Variants in ASRGL1 observed in about 807,000 individuals in gnomAD.
ASRGL1 encodes isoaspartyl peptidase/L-asparaginase.
Under a neutral mutation model 22.4 loss-of-function variants are expected in ASRGL1, and 16 were observed. That is an observed-to-expected ratio of 0.71 (90% CI 0.48 to 1.08). ASRGL1 has a LOEUF of 1.08. Ranked by LOEUF, ASRGL1 falls within the 50% of genes least tolerant of loss-of-function variation. ASRGL1 has a pLI of 0.00. For synonymous variants in ASRGL1, 165 were observed against 159.3 expected (o/e 1.04, Z -0.27); for missense variants, 412 against 410.1 (o/e 1.00, Z -0.04).
At chr11:62,375,426 C>A in intron 4 of ASRGL1, among the ~76,000 whole-genome samples, 1 of 68,056 alleles carries the variant, frequency 1.5e-5, no homozygotes, top group African/African-American at 5.4e-5. Flanking sequence ...AATTGTCTTA[C>A]TTTATATATA....
chr11:62,340,065 C>G (rs1048394577), intron 2 of ASRGL1, among the ~76,000 whole-genome samples: 1 of 150,866 alleles, frequency 6.6e-6, no homozygotes, highest in Non-Finnish European at 1.5e-5. Context: ...AGTTCAATGC[C>G]AGGCTAGGCA....
downstream of ASRGL1, among the ~76,000 whole-genome samples, chr11:62,393,870 C>G (rs1947395443): frequency 6.6e-6 from 1 of 151,602 alleles, no homozygotes; most frequent in South Asian, 2.1e-4. Flanking sequence ...AGGCCTCTCT[C>G]CATGGCTTGT....
downstream of ASRGL1, among the ~76,000 whole-genome samples, chr11:62,394,236 TTATA>T (rs1947402815): frequency 7.1e-6 from 1 of 141,510 alleles, no homozygotes; most frequent in African/African-American, 2.6e-5. Context: ...ATTTTATGTA[TTATA>T]TATAATTTGT....
At chr11:62,363,095 G>A (rs1418845830) in intron 4 of ASRGL1, among the ~76,000 whole-genome samples, 5 of 149,608 alleles carry the variant, frequency 3.3e-5, no homozygotes, top group African/African-American at 4.9e-5. Flanking sequence ...CACCACGCCC[G>A]GCTAATTTTT....
chr11:62,362,809 G>GACAC (rs1257030349), intron 4 of ASRGL1, among the ~76,000 whole-genome samples: 10 of 6,972 alleles, frequency 1.4e-3, no homozygotes, highest in African/African-American at 3.2e-3. Flanking sequence ...TTGCTTATCT[G>GACAC]ACATACACAC....
In ASRGL1 at chr11:62,392,357, CA is replaced by C; in HGVS notation, c.*75del. 1 of 1,540,142 alleles carries C rather than the reference CA, an allele frequency of 6.5e-7. No homozygotes were observed. The highest frequency in any genetic ancestry group is 1.1e-5 in the South Asian group (1 of 88,366). ...GTCTCCTCATGAGACATAGCCTAATCAATTAGATCTAGAATTGGAAAAATTG... is the reference window on the plus strand; with the variant it reads ...GTCTCCTCATGAGACATAGCCTAATCATTAGATCTAGAATTGGAAAAATTG... On this transcript the variant is annotated 3_prime_UTR_variant, in exon 7 of 7. Coordinates refer to ENST00000415229, the MANE Select transcript of ASRGL1 (RefSeq NM_001083926.2).
chr11:62,389,281 C>T (rs1947284898), intron 5 of ASRGL1, 30 bp downstream of exon 5: 1 of 1,560,782 alleles, frequency 6.4e-7, no homozygotes, highest in East Asian at 2.2e-5. Flanking sequence ...CCTGCCCCTT[C>T]CCCTCTTCTC....
At position 62,371,221 on chromosome 11, in the gene ASRGL1, C is replaced by T. The variant is rs1228564875; in HGVS notation, c.491+14077C>T. The T allele has an allele frequency of 4.8e-6, 6 of 1,242,896 alleles. No homozygotes were observed. In the African/African-American group the frequency reaches 8.0e-5, roughly 17 times the overall value. The allele number at this position is 1,242,896 out of a possible 1,614,324, so 77.0% of individuals were successfully genotyped here. On this transcript the variant is annotated intron_variant, in intron 4 of 6. Transcript: ENST00000415229. The stretch of plus-strand genomic sequence containing the variant: ...CCACGCCAGGGCCCAGGAAACGTGG[C>T]GGCCCCGCAGCCGGAAGCGCGAGCC...
At chr11:62,344,433 T>A (rs543420008) in intron 2 of ASRGL1, among the ~76,000 whole-genome samples, 1 of 152,120 alleles carries the variant, frequency 6.6e-6, no homozygotes, top group Non-Finnish European at 1.5e-5. Context: ...GTTTATCAGT[T>A]TTTTTTTAAA....
intron 4 of ASRGL1, among the ~76,000 whole-genome samples, chr11:62,376,944 A>G (rs1369334717): frequency 6.6e-6 from 1 of 152,240 alleles, no homozygotes; most frequent in African/African-American, 2.4e-5. Context: ...TTACATGAAC[A>G]TATGATAATC....
chr11:62,366,565 G>A (rs1434900704), intron 4 of ASRGL1, among the ~76,000 whole-genome samples: 3 of 142,632 alleles, frequency 2.1e-5, no homozygotes, highest in African/African-American at 4.9e-5. Context: ...TTTTACATTT[G>A]TTTATGGGTT....
chr11:62,381,151 ACT>A (rs1491324958), intron 4 of ASRGL1, among the ~76,000 whole-genome samples: 2 of 150,772 alleles, frequency 1.3e-5, no homozygotes, highest in African/African-American at 2.5e-5. Flanking sequence ...CATGACAGAG[ACT>A]CTCTATTTGA....
At position 62,338,156 on chromosome 11, in the gene ASRGL1, A is replaced by T; in HGVS notation, c.179A>T (p.Glu60Val). 6.4e-7 allele frequency: 1 copy of T among 1,572,548 alleles called. No homozygotes were observed. ...GAVVALEDDP[E>V]FNAGCGSVLN... ...GTCGTCGCCCTGGAAGACGATCCCG[A>T]GTTCAACGCAGGTAAATGTGCCTTT... The change falls in exon 2 of 7, where the codon GAG becomes GTG. Residue 60 changes from glutamate to valine, a missense_variant. Glu to Val is a moderately radical substitution (Grantham distance 121). Transcript: ENST00000415229.
At chr11:62,343,068 C>A (rs1041482211) in intron 2 of ASRGL1, among the ~76,000 whole-genome samples, 2 of 152,008 alleles carry the variant, frequency 1.3e-5, no homozygotes, top group African/African-American at 2.4e-5. Flanking sequence ...TGGCTTATGG[C>A]AAGAATTTAA....
At chr11:62,356,173 G>T (rs1027840927) in intron 2 of ASRGL1, 152 bp from the exon 3 acceptor site, 69 of 799,112 alleles carry the variant, frequency 8.6e-5, no homozygotes, top group Middle Eastern at 7.9e-4. Flanking sequence ...GGGCAGAGGG[G>T]CTCCTCACTT....
intron 4 of ASRGL1, 55 bp downstream of exon 4, chr11:62,357,199 G>A: frequency 1.3e-6 from 2 of 1,550,662 alleles, no homozygotes; most frequent in South Asian, 2.3e-5. Context: ...ATGAAAGTTT[G>A]GCAAATACCT....
the ASRGL1 span, among the ~76,000 whole-genome samples, chr11:62,400,035 T>TC: frequency 6.6e-6 from 1 of 152,042 alleles, no homozygotes; most frequent in Non-Finnish European, 1.5e-5. Flanking sequence ...ATCCCACCCA[T>TC]CCTCCAGAAT....
At chr11:62,381,954 A>G (rs1227988906) in intron 4 of ASRGL1, 1 of 152,400 alleles carries the variant, frequency 6.6e-6, no homozygotes, top group Non-Finnish European at 1.5e-5. Flanking sequence ...GCCCCTCTAC[A>G]CCTGTGGGCG....
At chr11:62,400,764 A>C in the ASRGL1 span, among the ~76,000 whole-genome samples, 2 of 152,172 alleles carry the variant, frequency 1.3e-5, no homozygotes, top group Non-Finnish European at 2.9e-5. Context: ...CTTCGAGTTC[A>C]ACTCTGCTTG....
Sources: gnomAD v4.1 joint callset for allele counts (sites outside exome capture counted in the v4.1 genomes callset) on GRCh38, gnomAD v4.1.1 for gene constraint, MANE v1.5 for transcripts, NCBI Gene and HGNC (gene_info 2026-07-23, HGNC 2026-07-21) for gene names.